The following CSMD1 variants were observed in gnomAD, a reference collection of about 807,000 sequenced individuals.
CSMD1 encodes the protein CUB and Sushi multiple domains 1.
Under a neutral mutation model 417.5 loss-of-function variants are expected in CSMD1, and 213 were observed. The observed-to-expected ratio is 0.51, with a 90% CI of 0.46 to 0.57. The LOEUF (loss-of-function observed/expected upper bound fraction) is 0.57, where lower values mean the gene tolerates loss of function less well. Ranked by LOEUF, CSMD1 falls within the 20% of genes least tolerant of loss-of-function variation. The probability of loss-of-function intolerance (pLI) is 0.00; values close to 1 mark genes in which losing one functional copy is unlikely to be tolerated. For synonymous variants in CSMD1, 2,862 were observed against 1,736.8 expected (o/e 1.65, Z -16.11); for missense variants, 6,923 against 4,529.7 (o/e 1.53, Z -15.17).
intron 1 of CSMD1, among the ~76,000 whole-genome samples, chr8:4,760,900 G>C (rs556421360): frequency 1.3e-5 from 2 of 152,170 alleles, no homozygotes; most frequent in African/African-American, 4.8e-5. Flanking sequence ...GTGTGCAGCA[G>C]AAGTTATGGT....
At chr8:3,744,731 G>A (rs542718884) in intron 6 of CSMD1, among the ~76,000 whole-genome samples, 1 of 152,186 alleles carries the variant, frequency 6.6e-6, no homozygotes, top group Non-Finnish European at 1.5e-5. Context: ...AAGAGTCAGT[G>A]ACTTACAGCA....
At chr8:4,787,329 A>T in intron 1 of CSMD1, 1 of 729,214 alleles carries the variant, frequency 1.4e-6, no homozygotes, top group Non-Finnish European at 2.5e-6. Context: ...CCCACTCAGG[A>T]TAATGGCGAC....
At chr8:3,647,762 G>A (rs564224761) in intron 7 of CSMD1, among the ~76,000 whole-genome samples, 1 of 152,192 alleles carries the variant, frequency 6.6e-6, no homozygotes, top group Admixed American at 6.5e-5. Context: ...GAGTGAGACA[G>A]AGAGAAAGAG....
chr8:3,215,967 A>G (rs77378271), intron 29 of CSMD1, among the ~76,000 whole-genome samples: 8,954 of 150,340 alleles, frequency 0.06, 345 homozygotes, highest in East Asian at 0.14. Context: ...TATACATTAT[A>G]TAAAGAATCT....
At chr8:4,592,454 T>C (rs1349944356) in intron 2 of CSMD1, among the ~76,000 whole-genome samples, 1 of 152,078 alleles carries the variant, frequency 6.6e-6, no homozygotes, top group East Asian at 1.9e-4. Context: ...TGGCATGACC[T>C]TGACTCACTG....
chr8:4,400,600 A>T (rs889990689), intron 3 of CSMD1, among the ~76,000 whole-genome samples: 2 of 152,218 alleles, frequency 1.3e-5, no homozygotes, highest in Non-Finnish European at 2.9e-5. Context: ...TGGAGTTTGA[A>T]ATAGGATGGC....
chr8:3,455,805 G>A (rs1816086212), intron 12 of CSMD1, among the ~76,000 whole-genome samples: 1 of 152,228 alleles, frequency 6.6e-6, no homozygotes, highest in Non-Finnish European at 1.5e-5. Flanking sequence ...ATCTCAAGCT[G>A]CATGCTGGGA....
chr8:3,499,301 A>G (rs147527210), intron 10 of CSMD1, among the ~76,000 whole-genome samples: 239 of 152,226 alleles, frequency 1.6e-3, no homozygotes, highest in African/African-American at 5.6e-3. Flanking sequence ...CCTTGGCTGC[A>G]GGTGTTTGTG....
At chr8:4,615,581 A>AGT (rs1400024999) in intron 2 of CSMD1, among the ~76,000 whole-genome samples, 1 of 152,196 alleles carries the variant, frequency 6.6e-6, no homozygotes, top group Non-Finnish European at 1.5e-5. Context: ...TATGAGGATA[A>AGT]ACACTTCATT....
chr8:4,120,537 G>A (rs906724783), intron 3 of CSMD1, among the ~76,000 whole-genome samples: 1 of 151,998 alleles, frequency 6.6e-6, no homozygotes, highest in Non-Finnish European at 1.5e-5. Flanking sequence ...GCATCTTCTG[G>A]CGATAAGGGA....
intron 5 of CSMD1, among the ~76,000 whole-genome samples, chr8:3,772,345 A>ACATATATTTATACATACATATG (rs1563063990): frequency 1.4e-5 from 1 of 70,748 alleles, no homozygotes; most frequent in Non-Finnish European, 2.6e-5. Flanking sequence ...ACATACATAT[A>ACATATATTTATACATACATATG]TACATATATT....
intron 5 of CSMD1, among the ~76,000 whole-genome samples, chr8:3,802,189 A>G (rs776158051): frequency 6.6e-6 from 1 of 152,176 alleles, no homozygotes; most frequent in Non-Finnish European, 1.5e-5. Flanking sequence ...GAAAGACATT[A>G]AAGAAGGGCT....
At chr8:4,447,886 T>A (rs1400578929) in intron 2 of CSMD1, among the ~76,000 whole-genome samples, 2 of 152,200 alleles carry the variant, frequency 1.3e-5, no homozygotes, top group Non-Finnish European at 2.9e-5. Flanking sequence ...GAATGTACAA[T>A]TTTATTGTTC....
At chr8:4,841,006 T>C (rs772991070) in intron 1 of CSMD1, among the ~76,000 whole-genome samples, 5 of 152,216 alleles carry the variant, frequency 3.3e-5, no homozygotes, top group Non-Finnish European at 5.9e-5. Context: ...AACTGAGCGT[T>C]TGCCGTCAGC....
chr8:4,073,669 T>C (rs575010617), intron 3 of CSMD1, among the ~76,000 whole-genome samples: 1 of 152,286 alleles, frequency 6.6e-6, no homozygotes, highest in South Asian at 2.1e-4. Flanking sequence ...TGAAGTATAG[T>C]TATATTTAGA....
intron 4 of CSMD1, among the ~76,000 whole-genome samples, chr8:4,012,827 T>G (rs1431521414): frequency 3.9e-5 from 6 of 152,146 alleles, no homozygotes; most frequent in Non-Finnish European, 2.9e-5. Flanking sequence ...ATTCTTCCAG[T>G]GTTGCACGAG....
At chr8:4,360,825 A>C (rs1046349009) in intron 3 of CSMD1, among the ~76,000 whole-genome samples, 13 of 152,136 alleles carry the variant, frequency 8.5e-5, no homozygotes, top group African/African-American at 2.4e-4. Flanking sequence ...AGTTCCTGAC[A>C]CAATTAATCA....
chr8:3,196,382 T>G (rs1796704048), intron 33 of CSMD1, among the ~76,000 whole-genome samples: 1 of 152,166 alleles, frequency 6.6e-6, no homozygotes, highest in South Asian at 2.1e-4. Context: ...ATGCTGCTGC[T>G]CTATGGATTA....
At chr8:3,338,874 G>A (rs906352863) in intron 23 of CSMD1, among the ~76,000 whole-genome samples, 1 of 145,208 alleles carries the variant, frequency 6.9e-6, no homozygotes, top group East Asian at 2.0e-4. Context: ...TAGGGTACAT[G>A]TGCACATTGT....
Sources: gnomAD v4.1 joint callset for allele counts (sites outside exome capture counted in the v4.1 genomes callset) on GRCh38, gnomAD v4.1.1 for gene constraint, MANE v1.5 for transcripts, NCBI Gene and HGNC (gene_info 2026-07-23, HGNC 2026-07-21) for gene names.